NRAP: variants seen among roughly 807,000 people sequenced by gnomAD.
NRAP encodes nebulin related anchoring protein, also known as nebulin-related-anchoring protein.
Under a neutral mutation model 225.9 loss-of-function variants are expected in NRAP, and 189 were observed. The observed-to-expected ratio is 0.84, with a 90% confidence interval of 0.74 to 0.94. NRAP has a LOEUF of 0.94. NRAP is among the 40% of genes least tolerant of loss of function. NRAP has a pLI of 0.00. For missense variants in NRAP, 2,176 were observed against 2,168.7 expected (o/e 1.00, Z -0.07); for synonymous variants, 769 against 790.7 (o/e 0.97, Z 0.46).
chr10:113,606,186 G>C lies in NRAP; in HGVS notation c.3799C>G (p.Leu1267Val). The C allele has an allele frequency of 6.2e-7, 1 of 1,612,248 alleles. No homozygotes were observed. Among genetic ancestry groups the C allele is most frequent in the East Asian group, 2.2e-5 (1 of 44,872 alleles). Residue 1267 changes from leucine to valine, a missense_variant, in exon 33 of 42, where the codon CTG becomes GTG. Physicochemically the swap from Leu to Val is conservative, Grantham distance 32 (BLOSUM62 1). This residue lies in a region of NRAP where 1,708 missense variants were observed against 1,695.5 expected (regional missense o/e 1.01). Coordinates refer to ENST00000359988, the MANE Select transcript of NRAP (RefSeq NM_198060.4). ...GTAACAAAAGGGCTTACGTCACTCA[G>C]GTTGGCTGCATTCGTTTTTGCTCGG... is the stretch of plus-strand genomic sequence containing the variant. Reference protein sequence around the residue: ...FIRAKTNAANLSDARYKESWR... With the variant: ...FIRAKTNAANVSDARYKESWR...
rs149227886 is a variant in NRAP, at chr10:113,642,963, C to A, written c.1186G>T (p.Val396Leu). 30 of 1,604,770 alleles carry A rather than the reference C, an allele frequency of 1.9e-5. 1 individual carries two copies. The South Asian group carries it at 3.3e-4, about 18-fold the overall frequency. The change falls in exon 12 of 42, where the codon GTG becomes TTG. Residue 396 changes from valine to leucine, a missense_variant. Val to Leu is a conservative substitution (Grantham distance 32). This residue lies in a region of NRAP where 1,708 missense variants were observed against 1,695.5 expected (regional missense o/e 1.01). Transcript: ENST00000359988. ...CTGGTAAATTTTGAGATCTTGCTCA[C>A]GTTCCTGAATTGAGGTGTTTCACAG... ...NYCETPQFRN[V>L]SKISKFTSDN...
At chr10:113,606,350 G>T in intron 32 of NRAP, 68 bp from the exon 33 acceptor site, 1 of 957,134 alleles carries the variant, frequency 1.0e-6, no homozygotes. Flanking sequence ...AGTGCTGGAA[G>T]TCCCTCAACG....
Position 113,589,791 on chromosome 10 carries a change from A to C in NRAP, c.4963T>G (p.Tyr1655Asp). The C allele has an allele frequency of 6.2e-7, 1 of 1,613,826 alleles. No individual in the cohort carries two copies. The highest frequency in any genetic ancestry group is 8.5e-7 in the Non-Finnish European group (1 of 1,179,926). The change falls in exon 41 of 42, where the codon TAT becomes GAT. Residue 1655 changes from tyrosine (Y) to aspartate (D), a missense_variant. By Grantham distance (160) the Tyr-to-Asp change is radical. This residue lies in a region of NRAP where 445 missense variants were observed against 426.1 expected (regional missense o/e 1.04). Coordinates refer to ENST00000359988, the MANE Select transcript of NRAP (RefSeq NM_198060.4). The part of the protein sequence containing the change: ...KAHQLQSDVK[Y>D]KSDLNLTRGV... ...CTGGTCAGGTTCAAGTCTGATTTATACTTGACCTTGAGGGTAAGAGGGAAG... is the reference window on the plus strand; with the variant it reads ...CTGGTCAGGTTCAAGTCTGATTTATCCTTGACCTTGAGGGTAAGAGGGAAG...
chr10:113,607,803 TAAG>T (rs1216890914), intron 32 of NRAP, among the ~76,000 whole-genome samples: 6 of 152,306 alleles, frequency 3.9e-5, no homozygotes, highest in East Asian at 1.9e-4. Context: ...AGAGAGCCAC[TAAG>T]AAGAAGTAGA....
chr10:113,601,623 A>G (rs570419477), intron 35 of NRAP, among the ~76,000 whole-genome samples: 54 of 152,368 alleles, frequency 3.5e-4, no homozygotes, highest in Admixed American at 2.4e-3. Flanking sequence ...TAAGATTGCC[A>G]ACTACAATTT....
intron 19 of NRAP, among the ~76,000 whole-genome samples, 177 bp downstream of exon 19, chr10:113,629,411 T>C (rs1379433210): frequency 6.6e-6 from 1 of 152,218 alleles, no homozygotes; most frequent in Admixed American, 6.5e-5. Context: ...CAGTCTCCAT[T>C]GTGTCAACTA....
At chr10:113,593,443 C>T (rs1417002693) in intron 38 of NRAP, among the ~76,000 whole-genome samples, 1 of 152,208 alleles carries the variant, frequency 6.6e-6, no homozygotes, top group African/African-American at 2.4e-5. Context: ...TTTCTCTGTA[C>T]TGCAGATCAC....
chr10:113,619,241 T>G (rs938477593), intron 25 of NRAP, among the ~76,000 whole-genome samples: 3 of 152,242 alleles, frequency 2.0e-5, no homozygotes, highest in African/African-American at 7.2e-5. Context: ...TATGCAAATA[T>G]GGTCTTTAGT....
chr10:113,595,094 G>A (rs187357860), intron 38 of NRAP, among the ~76,000 whole-genome samples: 119 of 152,326 alleles, frequency 7.8e-4, no homozygotes, highest in Non-Finnish European at 1.2e-4. Context: ...GGTTATGCAC[G>A]CAAAGGGCAC....
chr10:113,589,907 G>T, intron 40 of NRAP, 110 bp from the exon 41 acceptor site: 2 of 1,255,266 alleles, frequency 1.6e-6, no homozygotes, highest in Non-Finnish European at 1.1e-6. Context: ...TATGTTGTCT[G>T]TCATCAGTAA....
chr10:113,614,342 G>A (rs375254975), intron 28 of NRAP, 46 bp from the exon 29 acceptor site: 5 of 1,278,050 alleles, frequency 3.9e-6, no homozygotes, highest in African/African-American at 2.9e-5. Flanking sequence ...AGGGATAAGG[G>A]ACACAGAATG....
chr10:113,617,467 GGT>G lies in NRAP; in HGVS notation c.2959_2960del (p.Thr987ProfsTer5), dbSNP rs1173601663. ...CATTATCACTTACATCCACTGCTTG[GGT>G]ATAACTAATTCTGGCCTGGACCATC... is the stretch of plus-strand genomic sequence containing the variant. ...PEMVQARISY[T>X]QAVDRLYREQ... On this transcript the variant is annotated frameshift_variant, in exon 26 of 42. Transcript: ENST00000359988. LOFTEE classifies it high-confidence loss of function. The G allele has an allele frequency of 1.9e-6, 3 of 1,589,908 alleles. No homozygotes were observed.
At position 113,643,028 on chromosome 10, in the gene NRAP, T is replaced by G. The variant is rs765613826; in HGVS notation, c.1121A>C (p.Lys374Thr). ...VNKLVSEVEY[K>T]KDLESSRGHS... ...ACCTCTACTACTTTCCAGATCCTTC[T>G]TATACTCCACCTTGGAAATCAAAAC... is the stretch of plus-strand genomic sequence containing the variant. The change falls in exon 12 of 42, where the codon AAG (lysine) becomes ACG (threonine). Residue 374 changes from lysine (K) to threonine (T), a missense_variant. Lys to Thr is a moderately conservative substitution (Grantham distance 78, BLOSUM62 -1). This residue lies in a region of NRAP where 1,708 missense variants were observed against 1,695.5 expected (regional missense o/e 1.01). Coordinates refer to ENST00000359988, the MANE Select transcript of NRAP (RefSeq NM_198060.4). The G allele has an allele frequency of 8.4e-6, 13 of 1,549,212 alleles. No individual in the cohort carries two copies. Among genetic ancestry groups the G allele is most frequent in the Non-Finnish European group, 1.2e-5 (13 of 1,120,954 alleles).
At chr10:113,620,339 T>C (rs1847912486) in intron 25 of NRAP, among the ~76,000 whole-genome samples, 1 of 152,172 alleles carries the variant, frequency 6.6e-6, no homozygotes, top group East Asian at 1.9e-4. Flanking sequence ...AAAAGGTAAG[T>C]TGGTGGGTAG....
chr10:113,623,484 A>C (rs1237350638), intron 23 of NRAP, 45 bp downstream of exon 23: 2 of 1,261,428 alleles, frequency 1.6e-6, no homozygotes, highest in South Asian at 2.5e-5. Context: ...CGGTATAAAA[A>C]GGCAGGATTC....
chr10:113,631,634 C>T (rs375696996), intron 17 of NRAP, 24 bp from the exon 18 acceptor site: 6 of 1,471,712 alleles, frequency 4.1e-6, no homozygotes, highest in Non-Finnish European at 5.7e-6. Context: ...AGAAGGTCTA[C>T]TGTGAGTGAG....
intron 31 of NRAP, among the ~76,000 whole-genome samples, chr10:113,609,652 T>C (rs1013651642): frequency 2.0e-5 from 3 of 152,204 alleles, no homozygotes; most frequent in Admixed American, 2.0e-4. Flanking sequence ...AGATTAGTGC[T>C]AATCCTCACA....
At position 113,589,791 on chromosome 10, in the gene NRAP, A is replaced by T; in HGVS notation, c.4963T>A (p.Tyr1655Asn). ...CTGGTCAGGTTCAAGTCTGATTTAT[A>T]CTTGACCTTGAGGGTAAGAGGGAAG... ...KAHQLQSDVK[Y>N]KSDLNLTRGV... The change falls in exon 41 of 42, where the codon TAT becomes AAT. Residue 1655 changes from tyrosine to asparagine, a missense_variant. Tyr to Asn is a moderately radical substitution (Grantham distance 143). This residue lies in a region of NRAP where 445 missense variants were observed against 426.1 expected (regional missense o/e 1.04). Coordinates refer to ENST00000359988, the MANE Select transcript of NRAP (RefSeq NM_198060.4). 1.9e-6 allele frequency: 3 copies of T among 1,613,826 alleles called. No individual in the cohort carries two copies. The highest frequency in any genetic ancestry group is 2.5e-6 in the Non-Finnish European group (3 of 1,179,926).
Position 113,595,621 on chromosome 10 carries a change from A to T in NRAP, c.4536+2T>A. The stretch of plus-strand genomic sequence containing the variant: ...CGTTCCATGAACCACCAGTTCACTT[A>T]CGTCACTCAGATGCAGCGCATTGAG... On this transcript the variant is annotated splice_donor_variant, in intron 38 of 41. Coordinates refer to ENST00000359988, the MANE Select transcript of NRAP (RefSeq NM_198060.4). LOFTEE classifies it high-confidence loss of function. 2 of 1,589,470 alleles carry T rather than the reference A, an allele frequency of 1.3e-6. No individual in the cohort carries two copies. Among genetic ancestry groups the T allele is most frequent in the Non-Finnish European group, 1.7e-6 (2 of 1,157,490 alleles).
Sources: allele counts gnomAD v4.1 joint callset (sites outside exome capture counted in the v4.1 genomes callset), GRCh38; gene constraint gnomAD v4.1.1; regional missense constraint gnomAD v4.1.1; transcripts MANE v1.5; gene names NCBI Gene and HGNC (gene_info 2026-07-23, HGNC 2026-07-21).